The following ABTB3 variants were observed in gnomAD, a reference collection of about 807,000 sequenced individuals.
ABTB3 encodes the protein ankyrin repeat- and BTB/POZ domain-containing protein 3.
At chr12:107,501,274 G>A in the ABTB3 span, among the ~76,000 whole-genome samples, 6 of 152,068 alleles carry the variant, frequency 3.9e-5, no homozygotes, top group African/African-American at 9.7e-5. Flanking sequence ...TGGACATTCC[G>A]TAAGACAACC....
At chr12:107,625,680 C>T in the ABTB3 span, among the ~76,000 whole-genome samples, 1 of 152,014 alleles carries the variant, frequency 6.6e-6, no homozygotes, top group South Asian at 2.1e-4. Flanking sequence ...GTGGCATCCT[C>T]TAACACCACC....
the ABTB3 span, among the ~76,000 whole-genome samples, chr12:107,631,646 T>C: frequency 6.6e-6 from 1 of 152,212 alleles, no homozygotes; most frequent in Admixed American, 6.5e-5. Flanking sequence ...TTTCTCAGAC[T>C]TTCCTTGTTT....
At chr12:107,469,915 T>TTTCC in the ABTB3 span, among the ~76,000 whole-genome samples, 1 of 111,670 alleles carries the variant, frequency 9.0e-6, no homozygotes, top group Non-Finnish European at 1.8e-5. Context: ...TCTTTCTTTC[T>TTTCC]TTCTTTCTCT....
At chr12:107,484,769 T>C in the ABTB3 span, among the ~76,000 whole-genome samples, 133 of 152,228 alleles carry the variant, frequency 8.7e-4, no homozygotes, top group African/African-American at 3.0e-3. Flanking sequence ...TCTGTGGGTA[T>C]TGAGAAGCAG....
the ABTB3 span, among the ~76,000 whole-genome samples, chr12:107,332,342 G>A: frequency 6.6e-6 from 1 of 152,208 alleles, no homozygotes; most frequent in Admixed American, 6.5e-5. Flanking sequence ...CCACACTCCT[G>A]GCACCATTTT....
At chr12:107,632,484 C>CACGT in the ABTB3 span, among the ~76,000 whole-genome samples, 5 of 152,192 alleles carry the variant, frequency 3.3e-5, no homozygotes, top group African/African-American at 1.2e-4. Flanking sequence ...CAGTACTTAC[C>CACGT]ACGTGTCCAC....
the ABTB3 span, among the ~76,000 whole-genome samples, chr12:107,649,031 A>G: frequency 6.6e-6 from 1 of 152,202 alleles, no homozygotes; most frequent in African/African-American, 2.4e-5. Flanking sequence ...CAAAATGGGC[A>G]GTCTTCTCCC....
the ABTB3 span, among the ~76,000 whole-genome samples, chr12:107,422,203 C>T: frequency 6.6e-5 from 10 of 152,056 alleles, no homozygotes; most frequent in African/African-American, 1.9e-4. Context: ...AAGGAACAAG[C>T]GTGAAGTTCC....
the ABTB3 span, among the ~76,000 whole-genome samples, chr12:107,481,587 G>A: frequency 1.3e-5 from 2 of 152,140 alleles, no homozygotes; most frequent in Non-Finnish European, 2.9e-5. Context: ...GCCCAGGGAG[G>A]TGAAATGACT....
At chr12:107,658,614 A>G in the ABTB3 span, 1 of 152,636 alleles carries the variant, frequency 6.6e-6, no homozygotes, top group Non-Finnish European at 1.5e-5. Context: ...ATTTTTGCCA[A>G]GGTAAAAATG....
chr12:107,384,881 A>G, the ABTB3 span, among the ~76,000 whole-genome samples: 2 of 152,202 alleles, frequency 1.3e-5, no homozygotes, highest in Non-Finnish European at 2.9e-5. Flanking sequence ...GCAATTTTAT[A>G]AAGATCACTC....
the ABTB3 span, among the ~76,000 whole-genome samples, chr12:107,500,060 A>G: frequency 6.6e-6 from 1 of 152,144 alleles, no homozygotes; most frequent in Non-Finnish European, 1.5e-5. Context: ...AGAAACAGCC[A>G]TGGAGGAAAT....
chr12:107,447,579 G>A, the ABTB3 span, among the ~76,000 whole-genome samples: 2 of 152,322 alleles, frequency 1.3e-5, no homozygotes, highest in Non-Finnish European at 2.9e-5. Context: ...AAAGTGAAAC[G>A]TGTTCTTGCC....
the ABTB3 span, among the ~76,000 whole-genome samples, chr12:107,357,151 G>A: frequency 6.6e-6 from 1 of 152,148 alleles, no homozygotes; most frequent in African/African-American, 2.4e-5. Flanking sequence ...AGCATATTAT[G>A]GACACATTCA....
chr12:107,416,891 C>T, the ABTB3 span, among the ~76,000 whole-genome samples: 1 of 152,172 alleles, frequency 6.6e-6, no homozygotes, highest in South Asian at 2.1e-4. Context: ...CTTCGGCCTC[C>T]CAAAGCAATA....
the ABTB3 span, among the ~76,000 whole-genome samples, chr12:107,417,232 C>T: frequency 6.6e-6 from 1 of 152,190 alleles, no homozygotes; most frequent in Non-Finnish European, 1.5e-5. Context: ...ACGTCTGCCA[C>T]CGGCTGGCCT....
the ABTB3 span, among the ~76,000 whole-genome samples, chr12:107,353,306 T>C: frequency 2.0e-5 from 3 of 152,122 alleles, no homozygotes; most frequent in Admixed American, 1.3e-4. Flanking sequence ...GTCAAGGAAC[T>C]CACTAGTGGG....
At chr12:107,470,317 C>T in the ABTB3 span, among the ~76,000 whole-genome samples, 7 of 152,074 alleles carry the variant, frequency 4.6e-5, no homozygotes, top group Admixed American at 6.6e-5. Flanking sequence ...AGGATTATAG[C>T]GTGAGCCACC....
chr12:107,482,827 T>TTTTC, the ABTB3 span, among the ~76,000 whole-genome samples: 937 of 151,076 alleles, frequency 6.2e-3, 15 homozygotes, highest in African/African-American at 0.02. Flanking sequence ...CTTTCTTTCT[T>TTTTC]TTTCTTTCTT....
Sources: allele counts gnomAD v4.1 joint callset (sites outside exome capture counted in the v4.1 genomes callset), GRCh38; gene constraint gnomAD v4.1.1; transcripts MANE v1.5; gene names NCBI Gene and HGNC (gene_info 2026-07-23, HGNC 2026-07-21).